The following DOCK2 variants were observed in gnomAD, a reference collection of about 807,000 sequenced individuals.
DOCK2 encodes dedicator of cytokinesis protein 2.
In DOCK2, 87 loss-of-function variants were observed where a neutral mutation model predicts 248.9. The observed-to-expected ratio is 0.35, with a 90% CI of 0.29 to 0.42. DOCK2 has a LOEUF of 0.42. Among genes scored for constraint, DOCK2 ranks in the 10% least tolerant of loss-of-function variants. The pLI is 1.00. For synonymous variants in DOCK2, 805 were observed against 821.6 expected, an observed-to-expected ratio of 0.98 and a Z score of 0.35; for missense variants, 1,747 against 2,300.2, an observed-to-expected ratio of 0.76 and a Z score of 4.92.
intron 7 of DOCK2, among the ~76,000 whole-genome samples, chr5:169,683,634 A>G (rs755635930): frequency 2.0e-5 from 3 of 152,130 alleles, no homozygotes; most frequent in Non-Finnish European, 2.9e-5. Flanking sequence ...GTGGTTGTGT[A>G]GTTGTATCTC....
Position 169,697,678 on chromosome 5 carries a change from T to C in DOCK2, c.980-696T>C, listed in dbSNP as rs78154801. On this transcript the variant is annotated intron_variant, in intron 10 of 51. Coordinates refer to ENST00000520908, the MANE Select transcript of DOCK2 (RefSeq NM_004946.3). ...CTAGATGCAGTCAGTGGTTGATTAT[T>C]ACCCAAGCAATTTTAATGGCCCCTG... 4.3e-4 allele frequency among the ~76,000 whole-genome samples: 65 copies of C among 152,292 alleles called. 1 individual carries two copies. In the East Asian group the frequency reaches 0.011, roughly 26 times the overall value.
chr5:169,886,783 T>C (rs573701067), intron 27 of DOCK2, among the ~76,000 whole-genome samples: 2 of 152,150 alleles, frequency 1.3e-5, no homozygotes, highest in African/African-American at 2.4e-5. Context: ...CCTTGACTAA[T>C]TGTTTTTTGC....
chr5:169,838,898 G>T (rs1387024939), intron 26 of DOCK2, among the ~76,000 whole-genome samples: 1 of 152,150 alleles, frequency 6.6e-6, no homozygotes, highest in Non-Finnish European at 1.5e-5. Context: ...AGTCATTGGG[G>T]CAGGGGGAGG....
At chr5:170,027,836 G>T in intron 33 of DOCK2, 27 bp from the exon 34 acceptor site, 1 of 1,604,956 alleles carries the variant, frequency 6.2e-7, no homozygotes, top group Non-Finnish European at 8.5e-7. Context: ...TGATGTTATT[G>T]TTGATTTTTG....
intron 36 of DOCK2, among the ~76,000 whole-genome samples, chr5:170,039,387 A>C (rs12055169): frequency 1.3e-5 from 2 of 151,936 alleles, no homozygotes; most frequent in Admixed American, 1.3e-4. Flanking sequence ...TATGTATCTG[A>C]TGATTTGATT....
chr5:169,920,568 T>C (rs1294453225), intron 27 of DOCK2, among the ~76,000 whole-genome samples: 2 of 152,092 alleles, frequency 1.3e-5, no homozygotes, highest in African/African-American at 4.8e-5. Context: ...ACATCACTTA[T>C]TGAATAACTG....
intron 26 of DOCK2, among the ~76,000 whole-genome samples, chr5:169,820,949 G>A (rs556898899): frequency 2.2e-4 from 34 of 152,248 alleles, no homozygotes; most frequent in Admixed American, 2.0e-3. Flanking sequence ...TGAAAACCAC[G>A]GCACGAGAAC....
intron 22 of DOCK2, among the ~76,000 whole-genome samples, chr5:169,744,011 G>A (rs1438797302): frequency 2.0e-5 from 3 of 151,486 alleles, no homozygotes; most frequent in Admixed American, 2.0e-4. Context: ...GCAGGTGCAG[G>A]ATATATTTTC....
intron 27 of DOCK2, among the ~76,000 whole-genome samples, chr5:169,857,284 T>C (rs1770943641): frequency 1.3e-5 from 2 of 152,242 alleles, no homozygotes; most frequent in South Asian, 4.1e-4. Context: ...TCTGGTAAAA[T>C]GTGCAGAATG....
At chr5:169,963,301 C>T (rs994811375) in intron 27 of DOCK2, among the ~76,000 whole-genome samples, 1 of 152,096 alleles carries the variant, frequency 6.6e-6, no homozygotes, top group Non-Finnish European at 1.5e-5. Context: ...CAAATTAAAT[C>T]CAACCCACAG....
chr5:169,846,376 A>G (rs1770305520), intron 27 of DOCK2, among the ~76,000 whole-genome samples: 1 of 152,122 alleles, frequency 6.6e-6, no homozygotes, highest in African/African-American at 2.4e-5. Flanking sequence ...TGATTTTTCT[A>G]TAGATCAATT....
At chr5:169,693,429 A>G (rs1016986287) in intron 9 of DOCK2, among the ~76,000 whole-genome samples, 2 of 152,194 alleles carry the variant, frequency 1.3e-5, no homozygotes, top group Non-Finnish European at 2.9e-5. Context: ...TCAACTGGGA[A>G]AGAGTAGAAC....
At chr5:169,885,104 C>T (rs186480844) in intron 27 of DOCK2, among the ~76,000 whole-genome samples, 2 of 152,212 alleles carry the variant, frequency 1.3e-5, no homozygotes, top group Non-Finnish European at 2.9e-5. Context: ...GCAGCCTTTA[C>T]AATGTCTCCC....
At chr5:169,976,593 A>T (rs998210745) in intron 27 of DOCK2, among the ~76,000 whole-genome samples, 1 of 152,242 alleles carries the variant, frequency 6.6e-6, no homozygotes, top group Non-Finnish European at 1.5e-5. Context: ...AAAAGAAAAA[A>T]AAGAAGAAAA....
chr5:169,810,985 T>TCACACA (rs1426678091), intron 26 of DOCK2, among the ~76,000 whole-genome samples: 2 of 77,414 alleles, frequency 2.6e-5, no homozygotes, highest in Non-Finnish European at 5.5e-5. Flanking sequence ...TCTCTCTCTC[T>TCACACA]CTCTCACACA....
intron 2 of DOCK2, among the ~76,000 whole-genome samples, chr5:169,656,962 G>A (rs1332844649): frequency 6.6e-6 from 1 of 152,118 alleles, no homozygotes; most frequent in Non-Finnish European, 1.5e-5. Context: ...TTATTTTAAT[G>A]TATCTTTGTA....
intron 6 of DOCK2, among the ~76,000 whole-genome samples, chr5:169,676,263 T>A (rs1759330425): frequency 6.6e-6 from 1 of 152,174 alleles, no homozygotes; most frequent in Non-Finnish European, 1.5e-5. Flanking sequence ...TGGAAGATCC[T>A]ATAGATGTTG....
chr5:169,840,870 T>C lies in DOCK2; in HGVS notation c.2799+18T>C, dbSNP rs1769919896. 5.0e-6 allele frequency: 8 copies of C among 1,612,260 alleles called. No homozygotes were observed. Among genetic ancestry groups the C allele is most frequent in the African/African-American group, 1.3e-5 (1 of 74,878 alleles). Reference sequence around the variant, plus strand: ...TTCTGATTGTGAGTGGATTATTTCTTCTTGTCAAATGTTGCAAGCTCTTCA... The same window carrying C: ...TTCTGATTGTGAGTGGATTATTTCTCCTTGTCAAATGTTGCAAGCTCTTCA... On this transcript the variant is annotated intron_variant, in intron 27 of 51. Coordinates refer to ENST00000520908, the MANE Select transcript of DOCK2 (RefSeq NM_004946.3).
At chr5:169,828,343 C>T (rs747589784) in intron 26 of DOCK2, among the ~76,000 whole-genome samples, 2 of 152,146 alleles carry the variant, frequency 1.3e-5, no homozygotes, top group Non-Finnish European at 2.9e-5. Context: ...GCAGAGCGGT[C>T]AGTGAGAGTG....
Sources: allele counts gnomAD v4.1 joint callset (sites outside exome capture counted in the v4.1 genomes callset), GRCh38; gene constraint gnomAD v4.1.1; transcripts MANE v1.5; gene names NCBI Gene and HGNC (gene_info 2026-07-23, HGNC 2026-07-21).